Variants in ESR1 observed in about 807,000 individuals in gnomAD.
ESR1 encodes the protein estrogen receptor 1.
A neutral mutation model predicts 52.7 loss-of-function variants in ESR1; 12 were observed. The observed-to-expected ratio is 0.23, with a 90% CI of 0.15 to 0.37. ESR1 has a LOEUF of 0.37. ESR1 is among the 10% of genes least tolerant of loss of function. ESR1 has a pLI of 1.00. For synonymous variants in ESR1, 305 were observed against 316.8 expected, an observed-to-expected ratio of 0.96 and a Z score of 0.39; for missense variants, 584 against 779.7, an observed-to-expected ratio of 0.75 and a Z score of 2.99.
intron 5 of ESR1, among the ~76,000 whole-genome samples, chr6:152,051,832 AT>A (rs2046705728): frequency 6.6e-6 from 1 of 151,944 alleles, no homozygotes; most frequent in African/African-American, 2.4e-5. Flanking sequence ...TTTAAATTTT[AT>A]GTTTTAAAAA....
intron 6 of ESR1, among the ~76,000 whole-genome samples, chr6:152,080,288 A>C (rs1054346510): frequency 6.9e-6 from 1 of 144,146 alleles, no homozygotes; most frequent in Non-Finnish European, 1.5e-5. Flanking sequence ...GACTAATGGG[A>C]TCTCTCAGCA....
intron 6 of ESR1, among the ~76,000 whole-genome samples, chr6:152,093,098 G>C (rs1384692904): frequency 6.6e-6 from 1 of 151,970 alleles, no homozygotes; most frequent in African/African-American, 2.4e-5. Context: ...CCAAGATGGC[G>C]AAACCCCATC....
chr6:151,790,643 A>G (rs1741206349), intron 2 of ESR1, among the ~76,000 whole-genome samples: 1 of 151,696 alleles, frequency 6.6e-6, no homozygotes, highest in Admixed American at 6.6e-5. Context: ...GTGCCATTTA[A>G]TATCTGGGGA....
intron 2 of ESR1, among the ~76,000 whole-genome samples, chr6:151,843,752 A>G (rs1784662932): frequency 1.3e-5 from 2 of 152,180 alleles, no homozygotes; most frequent in South Asian, 4.1e-4. Context: ...ACCCAGATTT[A>G]AGTAACTTGT....
intron 1 of ESR1, among the ~76,000 whole-genome samples, chr6:151,664,607 T>C (rs1777755897): frequency 6.6e-6 from 1 of 152,190 alleles, no homozygotes; most frequent in Non-Finnish European, 1.5e-5. Context: ...CCCAAACACG[T>C]TGATACACAC....
chr6:152,028,061 C>T (rs1260206214), intron 5 of ESR1, among the ~76,000 whole-genome samples: 2 of 151,918 alleles, frequency 1.3e-5, no homozygotes, highest in Admixed American at 6.6e-5. Flanking sequence ...GGAGAATGGC[C>T]TGAATCCGGG....
At chr6:152,029,713 C>A (rs567785696) in intron 5 of ESR1, among the ~76,000 whole-genome samples, 13 of 152,330 alleles carry the variant, frequency 8.5e-5, no homozygotes, top group African/African-American at 3.1e-4. Flanking sequence ...TTGGAAAACA[C>A]TCTGCAGGAT....
At chr6:151,764,172 T>C (rs541723511) in intron 2 of ESR1, among the ~76,000 whole-genome samples, 1 of 152,284 alleles carries the variant, frequency 6.6e-6, no homozygotes, top group East Asian at 1.9e-4. Flanking sequence ...CTTTCAATGC[T>C]AAAACTGGGA....
chr6:151,672,930 G>A (rs1041834272), intron 1 of ESR1, among the ~76,000 whole-genome samples: 1 of 149,142 alleles, frequency 6.7e-6, no homozygotes, highest in Non-Finnish European at 1.5e-5. Flanking sequence ...CCGGGTTCAC[G>A]CCATTCTCCT....
intron 3 of ESR1, among the ~76,000 whole-genome samples, chr6:151,890,713 T>C (rs754403253): frequency 1.1e-4 from 17 of 152,220 alleles, no homozygotes; most frequent in Non-Finnish European, 2.4e-4. Flanking sequence ...TCTTAATGAA[T>C]TGACCCTCTT....
chr6:152,044,867 A>G (rs1002738422), intron 5 of ESR1, among the ~76,000 whole-genome samples: 3 of 152,150 alleles, frequency 2.0e-5, no homozygotes, highest in Non-Finnish European at 2.9e-5. Flanking sequence ...ACCCTCACAG[A>G]CTCACTCAGG....
At chr6:151,750,896 G>T (rs762724202) in intron 2 of ESR1, among the ~76,000 whole-genome samples, 3 of 152,112 alleles carry the variant, frequency 2.0e-5, no homozygotes, top group Non-Finnish European at 4.4e-5. Context: ...AGAAGGCCAA[G>T]GATTATTTGA....
intron 3 of ESR1, among the ~76,000 whole-genome samples, chr6:151,904,094 A>G (rs1251131315): frequency 2.6e-5 from 4 of 152,230 alleles, no homozygotes; most frequent in African/African-American, 9.6e-5. Context: ...GACTGAAGTA[A>G]TATCACAACC....
chr6:151,818,300 G>A (rs1183592523), intron 1 of ESR1, among the ~76,000 whole-genome samples: 1 of 152,154 alleles, frequency 6.6e-6, no homozygotes, highest in Non-Finnish European at 1.5e-5. Context: ...TGGGTGAGAA[G>A]TGAACATGGG....
chr6:152,005,471 G>A (rs2042258017), intron 4 of ESR1, among the ~76,000 whole-genome samples: 3 of 151,970 alleles, frequency 2.0e-5, no homozygotes, highest in Admixed American at 2.0e-4. Flanking sequence ...CCCAATTTAA[G>A]TTTGAAGTTA....
chr6:151,812,909 G>A (rs1052340720), intron 1 of ESR1, among the ~76,000 whole-genome samples: 1 of 151,540 alleles, frequency 6.6e-6, no homozygotes, highest in African/African-American at 2.4e-5. Flanking sequence ...GTTCACCAAA[G>A]TTATTGAGGG....
At chr6:151,815,400 A>T in intron 1 of ESR1, among the ~76,000 whole-genome samples, 1 of 152,180 alleles carries the variant, frequency 6.6e-6, no homozygotes, top group Admixed American at 6.5e-5. Context: ...TCTCTTCTTC[A>T]TTGCTGTATT....
At chr6:151,769,577 T>C (rs1319561059) in intron 2 of ESR1, among the ~76,000 whole-genome samples, 1 of 152,146 alleles carries the variant, frequency 6.6e-6, no homozygotes, top group African/African-American at 2.4e-5. Flanking sequence ...ACTGAATATC[T>C]AGGCTAAAAG....
Position 151,850,047 on chromosome 6 carries a change from T to C in ESR1, c.643+7260T>C, listed in dbSNP as rs1194832269. Among the ~76,000 whole-genome samples, 6 of 66,106 alleles carry C rather than the reference T, an allele frequency of 9.1e-5. No individual in the cohort carries two copies. In the East Asian group the frequency reaches 1.7e-3, roughly 19 times the overall value. 43.4% of individuals were successfully genotyped at this position (66,106 alleles called of 152,430 possible). A position where few individuals can be genotyped will look rare whatever the true frequency, so the allele number is the denominator to read the frequency against. ...ACAAAATTATATATATATATAATTT[T>C]ATATATATATAATTTTATATATATA... On this transcript the variant is annotated intron_variant, in intron 2 of 7. Transcript: ENST00000206249.
Sources: allele counts gnomAD v4.1 joint callset (sites outside exome capture counted in the v4.1 genomes callset), GRCh38; gene constraint gnomAD v4.1.1; transcripts MANE v1.5; gene names NCBI Gene and HGNC (gene_info 2026-07-23, HGNC 2026-07-21).